The following SNTB1 variants were observed in gnomAD, a reference collection of about 807,000 sequenced individuals.
SNTB1 encodes beta-1-syntrophin.
SNTB1 carries 36 observed loss-of-function variants against 48.9 expected under a neutral mutation model. The observed-to-expected ratio is 0.74, with a 90% CI of 0.56 to 0.97. The LOEUF is 0.97. Among genes scored for constraint, SNTB1 ranks in the 50% least tolerant of loss-of-function variants. The pLI is 0.00. For synonymous variants in SNTB1, 299 were observed against 294.6 expected (o/e 1.01, Z -0.15); for missense variants, 786 against 703.4 (o/e 1.12, Z -1.33).
intron 1 of SNTB1, among the ~76,000 whole-genome samples, chr8:120,729,754 CAGA>C (rs1375830070): frequency 1.3e-5 from 2 of 152,212 alleles, no homozygotes; most frequent in African/African-American, 4.8e-5. Flanking sequence ...GCTGATAGAG[CAGA>C]AGAAGGACTA....
intron 1 of SNTB1, among the ~76,000 whole-genome samples, chr8:120,741,202 T>C (rs183301476): frequency 3.3e-5 from 5 of 152,340 alleles, no homozygotes; most frequent in Non-Finnish European, 7.4e-5. Flanking sequence ...TGTCCAAATT[T>C]ACTAAGTCTT....
intron 1 of SNTB1, among the ~76,000 whole-genome samples, chr8:120,787,390 A>G (rs1204094155): frequency 6.6e-6 from 1 of 152,182 alleles, no homozygotes; most frequent in African/African-American, 2.4e-5. Context: ...GCAATCTTTG[A>G]AATAACCAGA....
chr8:120,781,893 G>C (rs1819835384), intron 1 of SNTB1, among the ~76,000 whole-genome samples: 2 of 152,316 alleles, frequency 1.3e-5, no homozygotes, highest in Admixed American at 6.5e-5. Flanking sequence ...ATATCATTCT[G>C]TGTGGCAGCC....
chr8:120,703,486 G>C (rs1818336792), intron 1 of SNTB1, among the ~76,000 whole-genome samples: 1 of 152,178 alleles, frequency 6.6e-6, no homozygotes, highest in Non-Finnish European at 1.5e-5. Context: ...AGATCAAGTA[G>C]CAGAGGCCAG....
chr8:120,788,600 A>T (rs1819966381), intron 1 of SNTB1, among the ~76,000 whole-genome samples: 2 of 152,120 alleles, frequency 1.3e-5, no homozygotes, highest in South Asian at 4.1e-4. Flanking sequence ...CTTATATCAG[A>T]TAAAACAGAT....
chr8:120,550,448 A>G (rs577681079), intron 4 of SNTB1, among the ~76,000 whole-genome samples: 67 of 151,694 alleles, frequency 4.4e-4, no homozygotes, highest in Admixed American at 7.9e-4. Flanking sequence ...AGGCTGAAGC[A>G]GGAGAATGGC....
chr8:120,729,552 G>C (rs952611747), intron 1 of SNTB1, among the ~76,000 whole-genome samples: 2 of 152,206 alleles, frequency 1.3e-5, no homozygotes, highest in African/African-American at 4.8e-5. Flanking sequence ...CTGAGGGTGA[G>C]AGTTTTGGTA....
At position 120,586,673 on chromosome 8, in the gene SNTB1, A is replaced by G. The variant is rs371463811; in HGVS notation, c.997-11448T>C. Among the ~76,000 whole-genome samples, 15 of 152,316 alleles carry G rather than the reference A, an allele frequency of 9.8e-5. No homozygotes were observed. The South Asian group carries it at 2.9e-3, about 29-fold the overall frequency. ...TTCCCTTTCCCAGGTAAGTCAACAC[A>G]TCACAGGTTCTGGGGGTTAGGATGT... is the stretch of plus-strand genomic sequence containing the variant. On this transcript the variant is annotated intron_variant, in intron 3 of 6. Coordinates refer to ENST00000517992, the MANE Select transcript of SNTB1 (RefSeq NM_021021.4).
At position 120,558,581 on chromosome 8, in the gene SNTB1, C is replaced by T. The variant is rs796203029; in HGVS notation, c.1137-9623G>A. Among the ~76,000 whole-genome samples the T allele has an allele frequency of 2.2e-4, 34 of 152,158 alleles. 1 individual carries two copies. The highest frequency in any genetic ancestry group is 7.7e-4 in the African/African-American group (32 of 41,524). On this transcript the variant is annotated intron_variant, in intron 4 of 6. Coordinates refer to ENST00000517992, the MANE Select transcript of SNTB1 (RefSeq NM_021021.4). ...GAATAAGTGAAAAAATAAATAGGAC[C>T]GTATAATATCAGAGAGGGGCAACAG...
rs181585522 is a variant in SNTB1 at position 120,769,849 on chromosome 8, T to C, written c.571+41424A>G. 5.3e-5 allele frequency among the ~76,000 whole-genome samples: 8 copies of C among 152,334 alleles called. No individual in the cohort carries two copies. The East Asian group carries it at 1.5e-3, about 29-fold the overall frequency. ...AAGCTTTGGATGGTTTCCTACACAATAGATGATCAGCATATACACAATGCC... is the reference window on the plus strand; with the variant it reads ...AAGCTTTGGATGGTTTCCTACACAACAGATGATCAGCATATACACAATGCC... On this transcript the variant is annotated intron_variant, in intron 1 of 6. Transcript: ENST00000517992.
intron 3 of SNTB1, among the ~76,000 whole-genome samples, chr8:120,600,486 C>T (rs937417302): frequency 6.6e-6 from 1 of 152,124 alleles, no homozygotes; most frequent in Non-Finnish European, 1.5e-5. Flanking sequence ...AAGTTCTTTC[C>T]GGCTAAACCC....
intron 2 of SNTB1, chr8:120,654,742 G>A (rs149071970): frequency 3.7e-6 from 1 of 269,106 alleles, no homozygotes; most frequent in African/African-American, 2.3e-5. Flanking sequence ...CTTTCATGGA[G>A]CCAAGTGATA....
chr8:120,753,365 C>G (rs986640378), intron 1 of SNTB1, among the ~76,000 whole-genome samples: 1 of 152,110 alleles, frequency 6.6e-6, no homozygotes, highest in Non-Finnish European at 1.5e-5. Context: ...TCTTCCAATG[C>G]CCACTCCACC....
intron 3 of SNTB1, among the ~76,000 whole-genome samples, chr8:120,628,401 A>C (rs760829003): frequency 6.6e-6 from 1 of 152,246 alleles, no homozygotes; most frequent in African/African-American, 2.4e-5. Context: ...ACATTTTACA[A>C]TTCACAGGAG....
At chr8:120,613,043 T>C (rs1483602470) in intron 3 of SNTB1, among the ~76,000 whole-genome samples, 2 of 152,160 alleles carry the variant, frequency 1.3e-5, no homozygotes. Flanking sequence ...CTCACTCTTA[T>C]GTGGGAACTA....
chr8:120,669,883 T>C (rs1052374102), intron 2 of SNTB1, among the ~76,000 whole-genome samples: 42 of 152,246 alleles, frequency 2.8e-4, no homozygotes, highest in South Asian at 1.4e-3. Context: ...CTGGTGTCCC[T>C]GTAATACACT....
chr8:120,730,036 G>A (rs570467671), intron 1 of SNTB1, among the ~76,000 whole-genome samples: 15 of 152,288 alleles, frequency 9.8e-5, no homozygotes, highest in Admixed American at 2.6e-4. Flanking sequence ...CCAACAACCC[G>A]TTAGTGATGT....
intron 2 of SNTB1, among the ~76,000 whole-genome samples, chr8:120,664,131 T>C (rs1160277648): frequency 3.3e-5 from 5 of 152,276 alleles, no homozygotes; most frequent in Non-Finnish European, 7.4e-5. Flanking sequence ...AAGCACAGCA[T>C]ATACAAGGAA....
chr8:120,801,058 A>T (rs757873651), intron 1 of SNTB1, among the ~76,000 whole-genome samples: 4 of 152,004 alleles, frequency 2.6e-5, no homozygotes, highest in Non-Finnish European at 4.4e-5. Flanking sequence ...GAGGGTGTGG[A>T]GAAAGGTATG....
Sources: gnomAD v4.1 joint callset for allele counts (sites outside exome capture counted in the v4.1 genomes callset) on GRCh38, gnomAD v4.1.1 for gene constraint, MANE v1.5 for transcripts, NCBI Gene and HGNC (gene_info 2026-07-23, HGNC 2026-07-21) for gene names.